COP1: variants seen among roughly 807,000 people sequenced by gnomAD.
COP1 encodes COP1 E3 ubiquitin ligase.
In COP1, 24 loss-of-function variants were observed where a neutral mutation model predicts 101.3. The observed-to-expected ratio is 0.24, with a 90% CI of 0.17 to 0.33. The LOEUF (loss-of-function observed/expected upper bound fraction) is 0.33, where lower values mean the gene tolerates loss of function less well. Ranked by LOEUF, COP1 falls within the 10% of genes least tolerant of loss-of-function variation. The pLI is 1.00. For synonymous variants in COP1, 347 were observed against 341.9 expected (o/e 1.01, Z -0.17); for missense variants, 663 against 906.2 (o/e 0.73, Z 3.45).
intron 1 of COP1, among the ~76,000 whole-genome samples, chr1:176,206,107 T>G (rs974853878): frequency 6.6e-6 from 1 of 152,196 alleles, no homozygotes; most frequent in Non-Finnish European, 1.5e-5. Flanking sequence ...ATACTTCAAA[T>G]AAATTTTGAC....
chr1:175,950,812 A>G (rs1297502379), intron 18 of COP1, among the ~76,000 whole-genome samples: 1 of 152,252 alleles, frequency 6.6e-6, no homozygotes, highest in Non-Finnish European at 1.5e-5. Flanking sequence ...AACATGCACC[A>G]ACTTGCTTAA....
chr1:176,081,030 C>T (rs1679035877), intron 11 of COP1, 122 bp downstream of exon 11: 1 of 851,034 alleles, frequency 1.2e-6, no homozygotes, highest in Non-Finnish European at 1.8e-6. Flanking sequence ...AATCACAGAA[C>T]TAATAATTGG....
At chr1:175,952,574 T>C (rs1650085702) in intron 18 of COP1, among the ~76,000 whole-genome samples, 1 of 152,050 alleles carries the variant, frequency 6.6e-6, no homozygotes, top group African/African-American at 2.4e-5. Context: ...AGGAAGTTCT[T>C]CAGGATGAAG....
intron 11 of COP1, among the ~76,000 whole-genome samples, chr1:176,075,466 T>A (rs1677818753): frequency 6.6e-6 from 1 of 152,224 alleles, no homozygotes; most frequent in African/African-American, 2.4e-5. Context: ...AACATCTTTT[T>A]AGGGTTATTC....
intron 11 of COP1, among the ~76,000 whole-genome samples, chr1:176,058,114 C>G (rs552495105): frequency 9.3e-5 from 12 of 129,174 alleles, no homozygotes; most frequent in African/African-American, 3.2e-4. Flanking sequence ...GGCCAGCCAC[C>G]CCGTCGGGAG....
intron 1 of COP1, among the ~76,000 whole-genome samples, chr1:176,197,687 G>A (rs1193693240): frequency 4.6e-5 from 7 of 152,026 alleles, no homozygotes; most frequent in African/African-American, 7.2e-5. Context: ...ATCCATTAAC[G>A]TACGTTCTTT....
intron 5 of COP1, among the ~76,000 whole-genome samples, chr1:176,151,394 AAAGAAAG>A (rs1262156727): frequency 7.8e-6 from 1 of 128,922 alleles, no homozygotes; most frequent in African/African-American, 2.5e-5. Context: ...AGAAAGAAAG[AAAGAAAG>A]AAAGAAAGAA....
At chr1:175,993,646 G>A (rs1464421140) in intron 15 of COP1, among the ~76,000 whole-genome samples, 1 of 152,212 alleles carries the variant, frequency 6.6e-6, no homozygotes, top group Non-Finnish European at 1.5e-5. Context: ...GGGTATCAGT[G>A]ATGGAAGATG....
chr1:176,203,363 C>A (rs535032200), intron 1 of COP1, among the ~76,000 whole-genome samples: 3 of 152,282 alleles, frequency 2.0e-5, no homozygotes, highest in African/African-American at 7.2e-5. Flanking sequence ...AGTCAACCTT[C>A]TCATAAAGAG....
At chr1:175,958,335 C>T (rs1650924729) in intron 18 of COP1, among the ~76,000 whole-genome samples, 1 of 150,656 alleles carries the variant, frequency 6.6e-6, no homozygotes, top group Non-Finnish European at 1.5e-5. Flanking sequence ...TATATAAACC[C>T]CTTATCACTA....
chr1:176,109,590 C>A (rs1684934549), intron 9 of COP1, among the ~76,000 whole-genome samples: 1 of 151,822 alleles, frequency 6.6e-6, no homozygotes, highest in Non-Finnish European at 1.5e-5. Flanking sequence ...ATTCTACACA[C>A]CCTTAAAAAA....
chr1:175,989,547 G>A, intron 15 of COP1, 68 bp from the exon 16 acceptor site: 1 of 883,338 alleles, frequency 1.1e-6, no homozygotes, highest in East Asian at 2.4e-5. Context: ...ATTTTAACTG[G>A]TTTTTGGTTT....
At chr1:176,023,438 G>A (rs567095630) in intron 15 of COP1, among the ~76,000 whole-genome samples, 2 of 152,242 alleles carry the variant, frequency 1.3e-5, no homozygotes, top group East Asian at 3.9e-4. Context: ...AAGTAAACAG[G>A]CCAGGCGTGG....
At chr1:176,172,782 T>C (rs1445810131) in intron 3 of COP1, among the ~76,000 whole-genome samples, 3 of 152,190 alleles carry the variant, frequency 2.0e-5, no homozygotes, top group South Asian at 4.1e-4. Flanking sequence ...CAGGAACACA[T>C]GGATCGACAT....
intron 11 of COP1, among the ~76,000 whole-genome samples, chr1:176,075,420 C>T (rs547178798): frequency 8.5e-5 from 13 of 152,272 alleles, no homozygotes; most frequent in Admixed American, 2.6e-4. Context: ...ATATTTGACA[C>T]GTTAAAACTT....
intron 5 of COP1, among the ~76,000 whole-genome samples, chr1:176,153,735 G>A (rs1692995881): frequency 6.6e-6 from 1 of 152,140 alleles, no homozygotes; most frequent in African/African-American, 2.4e-5. Context: ...TGTCACAGAT[G>A]GCCCTTATTA....
intron 9 of COP1, among the ~76,000 whole-genome samples, chr1:176,113,684 A>C (rs1455692106): frequency 8.5e-5 from 13 of 152,182 alleles, no homozygotes; most frequent in Admixed American, 7.2e-4. Context: ...TGCTAGCAGC[A>C]ATAAATATGA....
rs553190929 is a variant in COP1 at position 176,177,727 on chromosome 1, G to GA, written c.468-1721dup. 2.6e-3 allele frequency among the ~76,000 whole-genome samples: 399 copies of GA among 152,098 alleles called. 3 individuals are homozygous for GA. The highest frequency in any genetic ancestry group is 9.2e-3 in the African/African-American group (381 of 41,502). ...TAAATTTACTTGAGCTTTGTAAACT[G>GA]AGTTGATTTTTATATCCACTTACCT... is the stretch of plus-strand genomic sequence containing the variant. On this transcript the variant is annotated intron_variant, in intron 2 of 19. Transcript: ENST00000367669.
chr1:176,143,612 A>G (rs1279347066), intron 6 of COP1, among the ~76,000 whole-genome samples: 1 of 152,130 alleles, frequency 6.6e-6, no homozygotes, highest in East Asian at 1.9e-4. Flanking sequence ...ATATAAGCAA[A>G]CCAAACCATA....
Sources: allele counts gnomAD v4.1 joint callset (sites outside exome capture counted in the v4.1 genomes callset), GRCh38; gene constraint gnomAD v4.1.1; transcripts MANE v1.5; gene names NCBI Gene and HGNC (gene_info 2026-07-23, HGNC 2026-07-21).